TRPC4: variants seen among roughly 807,000 people sequenced by gnomAD.
TRPC4 encodes transient receptor potential cation channel subfamily C member 4.
Under a neutral mutation model 99.4 loss-of-function variants are expected in TRPC4, and 49 were observed. The observed-to-expected ratio is 0.49, with a 90% CI of 0.39 to 0.63. The LOEUF (loss-of-function observed/expected upper bound fraction) is 0.63. Ranked by LOEUF, TRPC4 falls within the 20% of genes least tolerant of loss-of-function variation. TRPC4 has a pLI of 0.00. For synonymous variants in TRPC4, 454 were observed against 425.9 expected (o/e 1.07, Z -0.81); for missense variants, 898 against 1,152.9 (o/e 0.78, Z 3.20).
intron 2 of TRPC4, among the ~76,000 whole-genome samples, chr13:37,762,712 T>A (rs1180669139): frequency 2.9e-5 from 3 of 102,570 alleles, no homozygotes; most frequent in Admixed American, 1.4e-4. Context: ...CTCTGGGGAC[T>A]GTTGTGGGGT....
intron 5 of TRPC4, 106 bp from the exon 6 acceptor site, chr13:37,663,835 G>T (rs938703011): frequency 1.2e-5 from 13 of 1,088,696 alleles, no homozygotes; most frequent in Non-Finnish European, 1.7e-5. Flanking sequence ...CAAAATAATT[G>T]ATGACTTTGT....
chr13:37,664,493 G>C (rs1293910619), intron 5 of TRPC4, among the ~76,000 whole-genome samples: 2 of 151,986 alleles, frequency 1.3e-5, no homozygotes, highest in Admixed American at 1.3e-4. Context: ...AGAATCACTT[G>C]AACTTGGGAG....
At chr13:37,678,712 TG>T (rs1280160527) in intron 4 of TRPC4, among the ~76,000 whole-genome samples, 2 of 152,074 alleles carry the variant, frequency 1.3e-5, no homozygotes, top group Non-Finnish European at 2.9e-5. Context: ...ATCACACTCT[TG>T]CAAAGATAAC....
At chr13:37,710,078 C>T (rs1414538391) in intron 3 of TRPC4, among the ~76,000 whole-genome samples, 2 of 152,012 alleles carry the variant, frequency 1.3e-5, no homozygotes, top group East Asian at 1.9e-4. Context: ...ATAGTACTGG[C>T]TTAAATAGTC....
chr13:37,697,837 G>C (rs992596133), intron 3 of TRPC4, among the ~76,000 whole-genome samples: 1 of 152,270 alleles, frequency 6.6e-6, no homozygotes, highest in African/African-American at 2.4e-5. Flanking sequence ...ATTACCTATA[G>C]CTCCATTGTA....
At chr13:37,763,670 A>C (rs545645138) in intron 2 of TRPC4, among the ~76,000 whole-genome samples, 14 of 151,834 alleles carry the variant, frequency 9.2e-5, no homozygotes, top group African/African-American at 3.4e-4. Flanking sequence ...CCAAAAATGT[A>C]ATTTTACCAG....
At chr13:37,805,098 C>A (rs1321415795) in intron 1 of TRPC4, among the ~76,000 whole-genome samples, 1 of 151,880 alleles carries the variant, frequency 6.6e-6, no homozygotes, top group East Asian at 1.9e-4. Flanking sequence ...TTTCTTTAAC[C>A]TCCTTGGAAT....
intron 8 of TRPC4, among the ~76,000 whole-genome samples, chr13:37,649,479 AATCCC>A (rs544718029): frequency 4.6e-5 from 7 of 151,990 alleles, no homozygotes; most frequent in Non-Finnish European, 1.0e-4. Context: ...TCACGCCTGT[AATCCC>A]AGCACTTTGG....
intron 3 of TRPC4, among the ~76,000 whole-genome samples, chr13:37,709,688 G>A (rs1003018681): frequency 2.6e-5 from 4 of 151,776 alleles, no homozygotes; most frequent in African/African-American, 7.3e-5. Flanking sequence ...CACAGTGATG[G>A]GTTTTCTTTA....
At chr13:37,686,742 A>G (rs1953495522) in intron 4 of TRPC4, among the ~76,000 whole-genome samples, 1 of 152,148 alleles carries the variant, frequency 6.6e-6, no homozygotes. Context: ...AATAGAAGCT[A>G]TTTTTAACAG....
chr13:37,745,111 T>C (rs1335852083), intron 3 of TRPC4, among the ~76,000 whole-genome samples: 1 of 151,996 alleles, frequency 6.6e-6, no homozygotes, highest in African/African-American at 2.4e-5. Flanking sequence ...AATAAAACAA[T>C]ACCATATAAT....
At chr13:37,639,820 C>T (rs189535259) in intron 8 of TRPC4, among the ~76,000 whole-genome samples, 24 of 150,540 alleles carry the variant, frequency 1.6e-4, no homozygotes, top group Admixed American at 7.3e-4. Context: ...CTGGATTTAA[C>T]GGAATAAATA....
At chr13:37,773,482 C>T (rs1424826507) in intron 2 of TRPC4, among the ~76,000 whole-genome samples, 1 of 151,826 alleles carries the variant, frequency 6.6e-6, no homozygotes, top group East Asian at 1.9e-4. Context: ...TTAGTAGTGA[C>T]TGCTTAAACA....
intron 1 of TRPC4, among the ~76,000 whole-genome samples, chr13:37,812,151 C>A (rs1273317740): frequency 1.1e-5 from 1 of 89,242 alleles, no homozygotes; most frequent in Non-Finnish European, 2.1e-5. Context: ...TGTACTCCAG[C>A]CTAGGCAACA....
rs767791117 is a variant in TRPC4 at position 37,637,208 on chromosome 13, CAGCCTGTTGACG to C, written c.2617_2628del (p.Arg873_Ala876del). 6.2e-7 allele frequency: 1 copy of C among 1,613,938 alleles called. No individual in the cohort carries two copies. Among genetic ancestry groups the C allele is most frequent in the Non-Finnish European group, 8.5e-7 (1 of 1,179,894 alleles). ...TGAATATTTCTCTCAAGTGGTCCTG[CAGCCTGTTGACG>C]AGCAACTTCTTCTGAAACAGAGAAG... On this transcript the variant is annotated inframe_deletion, in exon 11 of 11. Transcript: ENST00000379705.
At chr13:37,796,928 C>CT (rs1957260355) in intron 1 of TRPC4, among the ~76,000 whole-genome samples, 1 of 3,374 alleles carries the variant, frequency 3.0e-4, no homozygotes, top group Non-Finnish European at 8.0e-4. Context: ...CTCCTCTCTA[C>CT]AAAAATAAAA....
At position 37,666,924 on chromosome 13, in the gene TRPC4, G is replaced by A. The variant is rs1019973474; in HGVS notation, c.1375-3195C>T. Among the ~76,000 whole-genome samples the A allele has an allele frequency of 3.9e-5, 5 of 129,480 alleles. No individual in the cohort carries two copies. In the South Asian group the frequency reaches 1.1e-3, roughly 28 times the overall value. 84.9% of individuals were successfully genotyped at this position (129,480 alleles called of 152,430 possible). A position where few individuals can be genotyped will look rare whatever the true frequency, so the allele number is the denominator to read the frequency against. ...GACTATTCTCAACTATACATCTCCA[G>A]CTGAGACTTCTCACCTAACAGCCCT... On this transcript the variant is annotated intron_variant, in intron 5 of 10. Coordinates refer to ENST00000379705, the MANE Select transcript of TRPC4 (RefSeq NM_016179.4).
intron 2 of TRPC4, among the ~76,000 whole-genome samples, chr13:37,762,663 A>G (rs1956254061): frequency 6.9e-6 from 1 of 144,030 alleles, no homozygotes; most frequent in African/African-American, 2.6e-5. Flanking sequence ...TGGGAATTGA[A>G]CAATGAGAAC....
chr13:37,833,262 T>A (rs1195376432), intron 1 of TRPC4, among the ~76,000 whole-genome samples: 1 of 152,208 alleles, frequency 6.6e-6, no homozygotes, highest in African/African-American at 2.4e-5. Context: ...CTAAAGCTTC[T>A]GTACTTTTTC....
Sources: allele counts gnomAD v4.1 joint callset (sites outside exome capture counted in the v4.1 genomes callset), GRCh38; gene constraint gnomAD v4.1.1; transcripts MANE v1.5; gene names NCBI Gene and HGNC (gene_info 2026-07-23, HGNC 2026-07-21).